The following PDE11A variants were observed in gnomAD, a reference collection of about 807,000 sequenced individuals.
The protein encoded by PDE11A is dual 3',5'-cyclic-AMP and -GMP phosphodiesterase 11A.
PDE11A carries 100 observed loss-of-function variants against 100.5 expected under a neutral mutation model. The observed-to-expected ratio is 1.00, with a 90% CI of 0.85 to 1.18. The LOEUF is 1.18. Among genes scored for constraint, PDE11A ranks in the 50% most tolerant of loss-of-function variants. The probability of loss-of-function intolerance (pLI) is 0.00; values close to 1 mark genes in which losing one functional copy is unlikely to be tolerated. For missense variants in PDE11A, 1,141 were observed against 1,152.6 expected (o/e 0.99, Z 0.15); for synonymous variants, 381 against 420.8 (o/e 0.91, Z 1.16).
At chr2:177,883,267 CAAAA>C (rs376882317) in intron 4 of PDE11A, among the ~76,000 whole-genome samples, 1 of 132,262 alleles carries the variant, frequency 7.6e-6, no homozygotes, top group Admixed American at 7.7e-5. Flanking sequence ...GACTCTGTCT[CAAAA>C]AAAAAAAAAA....
chr2:178,009,452 A>G (rs1252217229), intron 2 of PDE11A, among the ~76,000 whole-genome samples: 1 of 152,226 alleles, frequency 6.6e-6, no homozygotes, highest in African/African-American at 2.4e-5. Flanking sequence ...ATAGTAGGCT[A>G]TATTTCATAC....
intron 6 of PDE11A, among the ~76,000 whole-genome samples, chr2:177,827,795 G>T (rs1003526161): frequency 1.3e-5 from 2 of 152,206 alleles, no homozygotes; most frequent in African/African-American, 4.8e-5. Context: ...GAGGATATTT[G>T]TAAATAGAGT....
At chr2:177,631,215 G>A (rs1037864184) in intron 19 of PDE11A, among the ~76,000 whole-genome samples, 1 of 150,202 alleles carries the variant, frequency 6.7e-6, no homozygotes, top group Non-Finnish European at 1.5e-5. Context: ...GGAGGCTGAG[G>A]TGAGTGGATC....
At chr2:177,921,734 G>A (rs1012449507) in intron 2 of PDE11A, 2 of 152,150 alleles carry the variant, frequency 1.3e-5, no homozygotes, top group African/African-American at 2.4e-5. Context: ...CACTGACCTT[G>A]TATATCTGCA....
chr2:177,684,690 T>C (rs1228212285), intron 15 of PDE11A, among the ~76,000 whole-genome samples: 1 of 152,132 alleles, frequency 6.6e-6, no homozygotes, highest in Non-Finnish European at 1.5e-5. Flanking sequence ...CCTTGTAGGG[T>C]TGATGGGAGG....
intron 6 of PDE11A, among the ~76,000 whole-genome samples, chr2:177,835,709 A>G (rs2083386192): frequency 6.6e-6 from 1 of 152,062 alleles, no homozygotes; most frequent in Non-Finnish European, 1.5e-5. Flanking sequence ...TGCGCATGGC[A>G]CTGGCAGCCC....
intron 5 of PDE11A, among the ~76,000 whole-genome samples, chr2:177,851,414 T>C (rs1027550281): frequency 4.6e-5 from 7 of 151,902 alleles, no homozygotes; most frequent in African/African-American, 1.7e-4. Context: ...AGGGATAGCA[T>C]TAGGAGATAT....
At chr2:177,876,672 G>A (rs1264850172) in intron 4 of PDE11A, among the ~76,000 whole-genome samples, 1 of 147,984 alleles carries the variant, frequency 6.8e-6, no homozygotes, top group Non-Finnish European at 1.5e-5. Flanking sequence ...CTATAGATGA[G>A]GAAACTAACC....
chr2:178,106,873 T>C (rs954385097), intron 1 of PDE11A, among the ~76,000 whole-genome samples: 16 of 143,142 alleles, frequency 1.1e-4, no homozygotes, highest in Admixed American at 1.5e-4. Flanking sequence ...GGTGAGAGAA[T>C]CACTTGAACC....
At chr2:177,774,581 G>A (rs1407371045) in intron 9 of PDE11A, among the ~76,000 whole-genome samples, 1 of 152,018 alleles carries the variant, frequency 6.6e-6, no homozygotes, top group Non-Finnish European at 1.5e-5. Flanking sequence ...TACCTTAACT[G>A]TAAATGTGGA....
chr2:177,965,824 A>G (rs1249751046), intron 2 of PDE11A, among the ~76,000 whole-genome samples: 1 of 152,050 alleles, frequency 6.6e-6, no homozygotes, highest in Non-Finnish European at 1.5e-5. Flanking sequence ...TTTGCTTAGT[A>G]TTGCTTCAGT....
intron 2 of PDE11A, among the ~76,000 whole-genome samples, chr2:178,002,420 G>C (rs1001150297): frequency 6.6e-6 from 1 of 152,032 alleles, no homozygotes; most frequent in Non-Finnish European, 1.5e-5. Context: ...ATTTTCTTTT[G>C]GATATATACC....
chr2:177,967,203 T>C (rs904652389), intron 2 of PDE11A, among the ~76,000 whole-genome samples: 11 of 143,862 alleles, frequency 7.6e-5, no homozygotes, highest in African/African-American at 2.3e-4. Context: ...CCTTTGTCTT[T>C]TTTTTTTTTT....
At chr2:177,794,790 G>T (rs1465329235) in intron 9 of PDE11A, among the ~76,000 whole-genome samples, 1 of 106,202 alleles carries the variant, frequency 9.4e-6, no homozygotes, top group African/African-American at 3.9e-5. Context: ...TTGTTTGTTT[G>T]TTTGTTTGTT....
At chr2:177,960,392 A>G (rs2085617158) in intron 2 of PDE11A, among the ~76,000 whole-genome samples, 4 of 152,132 alleles carry the variant, frequency 2.6e-5, no homozygotes, top group African/African-American at 9.7e-5. Flanking sequence ...TTTCAACTAC[A>G]TCGTAGAATT....
intron 15 of PDE11A, among the ~76,000 whole-genome samples, chr2:177,689,619 A>G (rs1162357204): frequency 1.3e-5 from 2 of 152,210 alleles, no homozygotes; most frequent in African/African-American, 2.4e-5. Flanking sequence ...AGTTATTATG[A>G]CTAAAGAAAA....
At chr2:177,953,002 A>T (rs1255937596) in intron 2 of PDE11A, 1 of 152,172 alleles carries the variant, frequency 6.6e-6, no homozygotes, top group Non-Finnish European at 1.5e-5. Context: ...AAGCAGGAAA[A>T]TATTTCAGAT....
Position 177,882,151 on chromosome 2 carries a change from C to T in PDE11A, c.1303-6228G>A, listed in dbSNP as rs530133188. Among the ~76,000 whole-genome samples, 3 of 152,286 alleles carry T rather than the reference C, an allele frequency of 2.0e-5. No homozygotes were observed. The South Asian group carries it at 6.2e-4, about 32-fold the overall frequency. On this transcript the variant is annotated intron_variant, in intron 4 of 19. Transcript: ENST00000286063. ...TGTCCAGGGACAATTATTAATAGTG[C>T]CCACTTTCACGCTCACAAGTGTCTT... is the stretch of plus-strand genomic sequence containing the variant.
chr2:177,960,329 T>C (rs1445727784), intron 2 of PDE11A, among the ~76,000 whole-genome samples: 1 of 152,072 alleles, frequency 6.6e-6, no homozygotes, highest in African/African-American at 2.4e-5. Flanking sequence ...TACCATTGTG[T>C]ATCAAAGAAG....
Sources: gnomAD v4.1 joint callset for allele counts (sites outside exome capture counted in the v4.1 genomes callset) on GRCh38, gnomAD v4.1.1 for gene constraint, MANE v1.5 for transcripts, NCBI Gene and HGNC (gene_info 2026-07-23, HGNC 2026-07-21) for gene names.